BMERB1: variants seen among roughly 807,000 people sequenced by gnomAD.
BMERB1 encodes bMERB domain containing 1.
A neutral mutation model predicts 23.6 loss-of-function variants in BMERB1; 12 were observed. The observed-to-expected ratio is 0.51, with a 90% CI of 0.33 to 0.82. The LOEUF (loss-of-function observed/expected upper bound fraction) is 0.82. Among genes scored for constraint, BMERB1 ranks in the 40% least tolerant of loss-of-function variants. The pLI, the probability that BMERB1 is intolerant of heterozygous loss-of-function variation, is 0.03. For synonymous variants in BMERB1, 122 were observed against 96.6 expected (o/e 1.26, Z -1.54); for missense variants, 247 against 255.4 (o/e 0.97, Z 0.22).
rs1159247360 is a variant in BMERB1, at chr16:15,480,606, C to CTTTTTTTTTTTTTTTTTTT, written c.107-34692_107-34674dup. Among the ~76,000 whole-genome samples, 2 of 58,962 alleles carry CTTTTTTTTTTTTTTTTTTT rather than the reference C, an allele frequency of 3.4e-5. 1 individual carries two copies. The highest frequency in any genetic ancestry group is 1.3e-4 in the African/African-American group (2 of 15,048). 38.7% of individuals were successfully genotyped at this position (58,962 alleles called of 152,430 possible). A position where few individuals can be genotyped will look rare whatever the true frequency, so the allele number is the denominator to read the frequency against. ...TTCATCCATATGCCAATTCCACTGT[C>CTTTTTTTTTTTTTTTTTTT]TTTTTTTTTTTTTTTTTTTTTTTTT... is the stretch of plus-strand genomic sequence containing the variant. On this transcript the variant is annotated intron_variant, in intron 1 of 5. Transcript: ENST00000300006.
At chr16:15,577,744 G>A (rs971445602) in intron 3 of BMERB1, among the ~76,000 whole-genome samples, 3 of 152,242 alleles carry the variant, frequency 2.0e-5, no homozygotes, top group Admixed American at 6.5e-5. Flanking sequence ...GCCTGCCAGC[G>A]CTTGGGAGAG....
chr16:15,564,694 C>T (rs2030516729), intron 2 of BMERB1, among the ~76,000 whole-genome samples: 1 of 152,170 alleles, frequency 6.6e-6, no homozygotes, highest in Admixed American at 6.5e-5. Flanking sequence ...GTGGGCCATT[C>T]CTTAACAAAA....
intron 2 of BMERB1, among the ~76,000 whole-genome samples, chr16:15,558,631 T>C (rs2030333749): frequency 6.6e-6 from 1 of 150,878 alleles, no homozygotes; most frequent in Non-Finnish European, 1.5e-5. Context: ...CGTAGTCACA[T>C]ATGTGTCGTA....
Position 15,534,553 on chromosome 16 carries a change from T to TA in BMERB1, c.230+19134dup, listed in dbSNP as rs559020691. Among the ~76,000 whole-genome samples the TA allele has an allele frequency of 2.4e-3, 362 of 150,744 alleles. 1 individual carries two copies. The highest frequency in any genetic ancestry group is 4.2e-3 in the Non-Finnish European group (285 of 67,564). On this transcript the variant is annotated intron_variant, in intron 2 of 5. Coordinates refer to ENST00000300006, the MANE Select transcript of BMERB1 (RefSeq NM_033201.3). ...TGGGCAAGAGAGTGAGACTCTGTCT[T>TA]AAAAAAAAAGTCAATGTTCCAGTAA...
At chr16:15,542,064 CT>C (rs1462459265) in intron 2 of BMERB1, among the ~76,000 whole-genome samples, 669 of 127,828 alleles carry the variant, frequency 5.2e-3, no homozygotes, top group African/African-American at 0.015. Context: ...GACCACCTGT[CT>C]TTTTTTTTTT....
chr16:15,515,170 T>G, intron 1 of BMERB1, 135 bp from the exon 2 acceptor site: 4 of 1,182,804 alleles, frequency 3.4e-6, no homozygotes, highest in Non-Finnish European at 3.6e-6. Flanking sequence ...AATACACATT[T>G]GTGGCACAGG....
At chr16:15,529,108 T>A (rs2051941504) in intron 2 of BMERB1, among the ~76,000 whole-genome samples, 3 of 152,310 alleles carry the variant, frequency 2.0e-5, no homozygotes, top group African/African-American at 7.2e-5. Flanking sequence ...CACTGCAAGC[T>A]CTGCCTCCCA....
At chr16:15,457,501 A>G (rs1371661992) in intron 1 of BMERB1, among the ~76,000 whole-genome samples, 1 of 152,174 alleles carries the variant, frequency 6.6e-6, no homozygotes, top group African/African-American at 2.4e-5. Context: ...TAAGTCCATC[A>G]GGAGCTCACC....
chr16:15,525,431 C>T (rs1215830192), intron 2 of BMERB1, among the ~76,000 whole-genome samples: 1 of 152,036 alleles, frequency 6.6e-6, no homozygotes, highest in Non-Finnish European at 1.5e-5. Flanking sequence ...AGGCCAGGTG[C>T]AGTGGTTCAC....
intron 1 of BMERB1, among the ~76,000 whole-genome samples, chr16:15,446,843 G>C (rs1010311635): frequency 5.9e-5 from 9 of 152,190 alleles, no homozygotes; most frequent in African/African-American, 1.9e-4. Flanking sequence ...AGTGCCTTCA[G>C]TGTCAAACTG....
intron 1 of BMERB1, among the ~76,000 whole-genome samples, chr16:15,443,812 G>A (rs966498593): frequency 5.9e-5 from 9 of 151,958 alleles, no homozygotes; most frequent in Non-Finnish European, 1.2e-4. Context: ...CCAGCTACTC[G>A]GGAGCCTGAG....
intron 2 of BMERB1, among the ~76,000 whole-genome samples, chr16:15,553,084 T>A (rs1001457725): frequency 1.3e-5 from 2 of 152,166 alleles, no homozygotes; most frequent in African/African-American, 4.8e-5. Flanking sequence ...CTCAGCTCAC[T>A]GAAACCTCCA....
At chr16:15,503,276 A>G (rs2051548962) in intron 1 of BMERB1, among the ~76,000 whole-genome samples, 1 of 152,060 alleles carries the variant, frequency 6.6e-6, no homozygotes, top group Non-Finnish European at 1.5e-5. Context: ...CGGGTCTTGA[A>G]CATCCAAGGA....
intron 1 of BMERB1, among the ~76,000 whole-genome samples, chr16:15,461,073 C>T (rs1419798017): frequency 6.1e-5 from 9 of 147,566 alleles, no homozygotes; most frequent in African/African-American, 2.0e-4. Flanking sequence ...TGCAGTGAGC[C>T]AAGATTGCAC....
At chr16:15,469,748 T>A (rs901674500) in intron 1 of BMERB1, among the ~76,000 whole-genome samples, 2 of 152,230 alleles carry the variant, frequency 1.3e-5, no homozygotes, top group African/African-American at 4.8e-5. Context: ...TTTGGAGTAA[T>A]TATAAATGGT....
At chr16:15,577,443 C>T (rs1196867171) in intron 3 of BMERB1, among the ~76,000 whole-genome samples, 2 of 152,196 alleles carry the variant, frequency 1.3e-5, no homozygotes, top group African/African-American at 4.8e-5. Context: ...CTTGCCTCCT[C>T]AGAGGAAATA....
chr16:15,462,315 C>G (rs1567455498), intron 1 of BMERB1, among the ~76,000 whole-genome samples: 1 of 151,760 alleles, frequency 6.6e-6, no homozygotes, highest in Non-Finnish European at 1.5e-5. Context: ...CCACGCCTGG[C>G]TAATTTTTTT....
intron 1 of BMERB1, among the ~76,000 whole-genome samples, chr16:15,444,739 G>C (rs1474786330): frequency 2.6e-5 from 4 of 152,190 alleles, no homozygotes; most frequent in African/African-American, 9.7e-5. Context: ...ATAAGTGTGG[G>C]CTTTCGAGAG....
At chr16:15,546,295 C>G (rs2029907749) in intron 2 of BMERB1, among the ~76,000 whole-genome samples, 1 of 152,060 alleles carries the variant, frequency 6.6e-6, no homozygotes, top group Non-Finnish European at 1.5e-5. Flanking sequence ...TTCCCTGTCA[C>G]AAACAAACAA....
Sources: allele counts gnomAD v4.1 joint callset (sites outside exome capture counted in the v4.1 genomes callset), GRCh38; gene constraint gnomAD v4.1.1; transcripts MANE v1.5; gene names NCBI Gene and HGNC (gene_info 2026-07-23, HGNC 2026-07-21).